AOAH: variants seen among roughly 807,000 people sequenced by gnomAD.
AOAH encodes acyloxyacyl hydrolase.
Under a neutral mutation model 92.2 loss-of-function variants are expected in AOAH, and 64 were observed. That is an observed-to-expected ratio of 0.69 (90% confidence interval 0.57 to 0.86). AOAH has a LOEUF of 0.86. Among genes scored for constraint, AOAH ranks in the 40% least tolerant of loss-of-function variants. The pLI is 0.00. For synonymous variants in AOAH, 263 were observed against 254.5 expected (o/e 1.03, Z -0.32); for missense variants, 656 against 694.6 (o/e 0.94, Z 0.62).
intron 12 of AOAH, among the ~76,000 whole-genome samples, chr7:36,581,194 G>A (rs781035708): frequency 2.2e-4 from 33 of 152,164 alleles, no homozygotes; most frequent in African/African-American, 2.4e-4. Flanking sequence ...GTCTTCTGGG[G>A]CTTCTGCAGT....
chr7:36,653,807 A>T (rs1794717308), intron 4 of AOAH, among the ~76,000 whole-genome samples: 1 of 152,158 alleles, frequency 6.6e-6, no homozygotes, highest in Admixed American at 6.5e-5. Context: ...ATGTTCCTCC[A>T]GCACTGCTGT....
At chr7:36,676,004 C>A (rs989361986) in intron 2 of AOAH, among the ~76,000 whole-genome samples, 2 of 152,178 alleles carry the variant, frequency 1.3e-5, no homozygotes, top group African/African-American at 4.8e-5. Context: ...AAAAACCTGA[C>A]AACTTACATG....
intron 1 of AOAH, among the ~76,000 whole-genome samples, chr7:36,706,609 T>C (rs1798427961): frequency 6.6e-6 from 1 of 152,222 alleles, no homozygotes; most frequent in Non-Finnish European, 1.5e-5. Context: ...TCTCTAGCTA[T>C]GAAAGTCATA....
At chr7:36,568,800 G>A (rs950721036) in intron 13 of AOAH, among the ~76,000 whole-genome samples, 3 of 152,210 alleles carry the variant, frequency 2.0e-5, no homozygotes, top group East Asian at 3.9e-4. Context: ...TGCATATGCT[G>A]GCCTGAATTG....
chr7:36,700,287 T>C (rs1339492369), intron 1 of AOAH, among the ~76,000 whole-genome samples: 1 of 152,076 alleles, frequency 6.6e-6, no homozygotes, highest in Non-Finnish European at 1.5e-5. Flanking sequence ...CCAAATATTG[T>C]ACATTGTACC....
intron 3 of AOAH, among the ~76,000 whole-genome samples, chr7:36,672,897 TATG>T (rs1244013882): frequency 6.6e-6 from 1 of 152,170 alleles, no homozygotes; most frequent in East Asian, 1.9e-4. Context: ...ACATGTATTA[TATG>T]ATAATGAATG....
intron 6 of AOAH, among the ~76,000 whole-genome samples, chr7:36,624,430 CT>C (rs754518881): frequency 6.6e-6 from 1 of 152,232 alleles, no homozygotes; most frequent in Non-Finnish European, 1.5e-5. Context: ...TGGAGCCTGT[CT>C]TATGAACTCT....
At chr7:36,617,286 G>A (rs934785136) in intron 10 of AOAH, among the ~76,000 whole-genome samples, 1 of 152,236 alleles carries the variant, frequency 6.6e-6, no homozygotes, top group African/African-American at 2.4e-5. Context: ...CACAGGGAGA[G>A]TGGGATGTGG....
chr7:36,555,657 T>C lies in AOAH; in HGVS notation c.1022-6182A>G, dbSNP rs574045420. Among the ~76,000 whole-genome samples, 307 of 152,270 alleles carry C rather than the reference T, an allele frequency of 2.0e-3. 1 individual carries two copies. The highest frequency in any genetic ancestry group is 7.3e-3 in the African/African-American group (302 of 41,538). ...GTAAGCTATTGATTATTGCCACAATTTCAGCTCCTGTTATTGGTCTATTCA... is the reference window on the plus strand; with the variant it reads ...GTAAGCTATTGATTATTGCCACAATCTCAGCTCCTGTTATTGGTCTATTCA... On this transcript the variant is annotated intron_variant, in intron 13 of 20. Coordinates refer to ENST00000617537, the MANE Select transcript of AOAH (RefSeq NM_001637.4).
intron 10 of AOAH, 152 bp downstream of exon 10, chr7:36,618,145 G>T: frequency 3.5e-6 from 2 of 571,580 alleles, no homozygotes; most frequent in Non-Finnish European, 6.1e-6. Flanking sequence ...TATTTTTTCT[G>T]ATCTGTCATG....
chr7:36,516,568 C>G lies in AOAH; in HGVS notation c.1600-3188G>C, dbSNP rs1783729583. 6.6e-6 allele frequency among the ~76,000 whole-genome samples: 1 copy of G among 152,222 alleles called. No individual in the cohort carries two copies. The highest frequency in any genetic ancestry group is 1.5e-5 in the Non-Finnish European group (1 of 68,040). ...AGCATGTCAAAGGCTGCCTGCGAAG[C>G]TGGCCAGTGCTCCAGGGAGGGCCGG... On this transcript the variant is annotated intron_variant, in intron 20 of 20. Transcript: ENST00000617537. This position sits in a 1 kb window ranked among gnomAD's most constrained non-coding sequence, Gnocchi z 5.0.
intron 4 of AOAH, among the ~76,000 whole-genome samples, chr7:36,649,931 C>T (rs12537396): frequency 0.31 from 47,340 of 152,134 alleles, 8,122 homozygotes; most frequent in African/African-American, 0.48. Flanking sequence ...TCATCCTAAT[C>T]GAGCTGAACA....
chr7:36,616,746 G>A (rs1479393123), intron 10 of AOAH, among the ~76,000 whole-genome samples: 4 of 152,182 alleles, frequency 2.6e-5, no homozygotes, highest in Non-Finnish European at 4.4e-5. Flanking sequence ...AATGATGGAT[G>A]AATAAGTGAA....
chr7:36,595,977 C>T (rs1480928614), intron 11 of AOAH, among the ~76,000 whole-genome samples: 5 of 152,192 alleles, frequency 3.3e-5, no homozygotes, highest in African/African-American at 1.2e-4. Flanking sequence ...ATGCCCCTGG[C>T]CTCCTGCTTT....
chr7:36,596,998 G>A (rs182506357), intron 11 of AOAH, among the ~76,000 whole-genome samples: 23 of 152,292 alleles, frequency 1.5e-4, no homozygotes, highest in African/African-American at 5.3e-4. Flanking sequence ...GGGTCTCTGA[G>A]CTTCCTCTGC....
intron 1 of AOAH, among the ~76,000 whole-genome samples, chr7:36,714,397 T>C (rs1429068266): frequency 1.3e-5 from 2 of 152,104 alleles, no homozygotes; most frequent in Non-Finnish European, 2.9e-5. Context: ...CTACCAGAGG[T>C]ACGAGGAGGA....
chr7:36,686,871 CGTGTGTGTGTGT>C (rs35260531), intron 1 of AOAH, 77 bp from the exon 2 acceptor site: 4 of 520,236 alleles, frequency 7.7e-6, no homozygotes. Context: ...AGAAAGGATG[CGTGTGTGTGTGT>C]GTGTGTGTGT....
At chr7:36,609,867 C>T (rs1791310343) in intron 11 of AOAH, among the ~76,000 whole-genome samples, 2 of 151,992 alleles carry the variant, frequency 1.3e-5, no homozygotes, top group African/African-American at 4.8e-5. Context: ...TTAATTGTTG[C>T]ATGAACAGTG....
chr7:36,517,254 G>GTCTC lies in AOAH; in HGVS notation c.1600-3875_1600-3874insGAGA, dbSNP rs1217015209. 1.1e-3 allele frequency among the ~76,000 whole-genome samples: 70 copies of GTCTC among 62,950 alleles called. 1 individual carries two copies. The highest frequency in any genetic ancestry group is 1.6e-3 in the Admixed American group (7 of 4,420). 41.3% of individuals were successfully genotyped at this position (62,950 alleles called of 152,430 possible). The stretch of plus-strand genomic sequence containing the variant: ...TCTCTCTCTCTCTCTCTTTCTTTCT[G>GTCTC]TGTCTCTCTCTTTCTTTCTTTCTTT... On this transcript the variant is annotated intron_variant, in intron 20 of 20. Transcript: ENST00000617537.
Sources: gnomAD v4.1 joint callset for allele counts (sites outside exome capture counted in the v4.1 genomes callset) on GRCh38, gnomAD v4.1.1 for gene constraint, Gnocchi (gnomAD v3.1) non-coding constraint, MANE v1.5 for transcripts, NCBI Gene and HGNC (gene_info 2026-07-23, HGNC 2026-07-21) for gene names.